The following FAM13A variants were observed in gnomAD, a reference collection of about 807,000 sequenced individuals.
FAM13A encodes the protein protein FAM13A.
FAM13A carries 76 observed loss-of-function variants against 129.6 expected under a neutral mutation model. The ratio of observed to expected loss-of-function variants is 0.59; its 90% CI spans 0.49 to 0.71. The LOEUF (loss-of-function observed/expected upper bound fraction) is 0.71. Among genes scored for constraint, FAM13A ranks in the 30% least tolerant of loss-of-function variants. The pLI is 0.00. For synonymous variants in FAM13A, 443 were observed against 449.9 expected, an observed-to-expected ratio of 0.98 and a Z score of 0.20; for missense variants, 1,108 against 1,249.3, an observed-to-expected ratio of 0.89 and a Z score of 1.70.
rs376511180 is a variant in FAM13A, at chr4:88,731,431, AAGAG to A, written c.2844-7_2844-4del. The A allele has an allele frequency of 4.0e-6, 6 of 1,517,548 alleles. No individual in the cohort carries two copies. Among genetic ancestry groups the A allele is most frequent in the Non-Finnish European group, 5.4e-6 (6 of 1,113,728 alleles). The allele number at this position is 1,517,548 out of a possible 1,614,324, so 94.0% of individuals were successfully genotyped here. A position where few individuals can be genotyped will look rare whatever the true frequency, so the allele number is the denominator to read the frequency against. On this transcript the variant is annotated splice_polypyrimidine_tract_variant and splice_region_variant and intron_variant, in intron 22 of 23. Transcript: ENST00000264344. ...GGAGGTGTTCCAGGAGTTCAGGTCTAAGAGAGAGGAAGCATTGCAAGGAAATTAA... is the reference window on the plus strand; with the variant it reads ...GGAGGTGTTCCAGGAGTTCAGGTCTAAGAGGAAGCATTGCAAGGAAATTAA...
At chr4:88,954,687 C>T (rs1757465521) in intron 4 of FAM13A, among the ~76,000 whole-genome samples, 2 of 152,070 alleles carry the variant, frequency 1.3e-5, no homozygotes, top group Non-Finnish European at 2.9e-5. Context: ...GAGTTCGTCA[C>T]CAGCCTGGGC....
intron 10 of FAM13A, among the ~76,000 whole-genome samples, chr4:88,786,270 A>C (rs764974575): frequency 6.6e-6 from 1 of 152,144 alleles, no homozygotes; most frequent in Admixed American, 6.6e-5. Context: ...TCCACCTGCT[A>C]GCCCTCTGTC....
At chr4:88,790,678 G>A in intron 8 of FAM13A, 51 bp from the exon 9 acceptor site, 1 of 1,524,002 alleles carries the variant, frequency 6.6e-7, no homozygotes, top group Non-Finnish European at 9.0e-7. Context: ...GATCAGAGAT[G>A]ATGAACCAAA....
At chr4:88,851,480 A>T (rs966816478) in intron 6 of FAM13A, among the ~76,000 whole-genome samples, 1 of 152,026 alleles carries the variant, frequency 6.6e-6, no homozygotes, top group Non-Finnish European at 1.5e-5. Context: ...CCTTAGAATA[A>T]TCATTCTATG....
Position 89,020,643 on chromosome 4 carries a change from C to T in FAM13A, c.244G>A (p.Val82Met). ...TCCACCACCTTCACGTTACCATTCA[C>T]CCTAAAAAGACCTTCTTGGGTAAGT... ...HGLTQEGLFR[V>M]NGNVKVVEQL... Residue 82 changes from valine (V) to methionine (M), a missense_variant, in exon 3 of 24, where the codon GTG becomes ATG. Coordinates refer to ENST00000264344, the MANE Select transcript of FAM13A (RefSeq NM_014883.4). 1 of 1,614,002 alleles carries T rather than the reference C, an allele frequency of 6.2e-7. No individual in the cohort carries two copies. The highest frequency in any genetic ancestry group is 1.3e-5 in the African/African-American group (1 of 75,006).
intron 1 of FAM13A, among the ~76,000 whole-genome samples, chr4:89,052,268 T>C (rs1771696808): frequency 3.4e-5 from 1 of 29,794 alleles, no homozygotes; most frequent in Admixed American, 2.5e-4. Context: ...TTTTTTTTTC[T>C]TTTTTCTTTT....
In FAM13A at chr4:88,750,571, G is replaced by A. The variant is rs200132943; in HGVS notation, c.1793C>T (p.Pro598Leu). 7.8e-5 allele frequency: 126 copies of A among 1,614,152 alleles called. No individual in the cohort carries two copies. Among genetic ancestry groups the A allele is most frequent in the Middle Eastern group, 3.3e-4 (2 of 6,062 alleles). ...NSDSDEAHLS[P>L]QAGRLIRQLL... ...CTGACGGATCAGGCGCCCAGCCTGCGGCGAGAGGTGGGCTTCATCAGAGTC... is the reference window on the plus strand; with the variant it reads ...CTGACGGATCAGGCGCCCAGCCTGCAGCGAGAGGTGGGCTTCATCAGAGTC... Residue 598 changes from proline (P) to leucine (L), a missense_variant, in exon 15 of 24, where the codon CCG becomes CTG. Transcript: ENST00000264344.
chr4:88,969,118 C>CA (rs1166074785), intron 4 of FAM13A, among the ~76,000 whole-genome samples: 1 of 151,896 alleles, frequency 6.6e-6, no homozygotes, highest in East Asian at 1.9e-4. Flanking sequence ...AAAAATCTCA[C>CA]AAAAAAACAA....
chr4:88,781,917 C>G (rs973462840), intron 10 of FAM13A, among the ~76,000 whole-genome samples: 15 of 150,586 alleles, frequency 1.0e-4, no homozygotes, highest in Non-Finnish European at 1.9e-4. Context: ...GTGCAGCACA[C>G]CAACATGGCA....
chr4:88,756,465 C>T (rs560896102), intron 14 of FAM13A, among the ~76,000 whole-genome samples: 3 of 152,242 alleles, frequency 2.0e-5, no homozygotes, highest in South Asian at 2.1e-4. Flanking sequence ...TGACATTCTG[C>T]GATTCCACAT....
intron 3 of FAM13A, among the ~76,000 whole-genome samples, chr4:88,998,099 C>T (rs1300686828): frequency 6.6e-6 from 1 of 152,122 alleles, no homozygotes; most frequent in African/African-American, 2.4e-5. Context: ...CCCCCTAGAA[C>T]ACCCAGAACA....
Position 88,923,486 on chromosome 4 carries a change from T to G in FAM13A, c.759+14602A>C, listed in dbSNP as rs555096861. On this transcript the variant is annotated intron_variant, in intron 5 of 23. Coordinates refer to ENST00000264344, the MANE Select transcript of FAM13A (RefSeq NM_014883.4). ...ATCTCGAAAGATGCAGAAAAGGCCT[T>G]TGACAAAATTCAACAACCCTTCATG... is the stretch of plus-strand genomic sequence containing the variant. Among the ~76,000 whole-genome samples the G allele has an allele frequency of 2.0e-3, 308 of 152,312 alleles. 2 individuals carry two copies. Among genetic ancestry groups the G allele is most frequent in the African/African-American group, 6.9e-3 (285 of 41,554 alleles).
chr4:88,877,227 CT>C (rs746770215), intron 6 of FAM13A, among the ~76,000 whole-genome samples: 1 of 152,016 alleles, frequency 6.6e-6, no homozygotes, highest in Non-Finnish European at 1.5e-5. Flanking sequence ...TTTTGTAATT[CT>C]TTAGCAAAAA....
chr4:89,053,950 A>G (rs1771913388), intron 1 of FAM13A, among the ~76,000 whole-genome samples: 2 of 152,286 alleles, frequency 1.3e-5, no homozygotes, highest in African/African-American at 4.8e-5. Flanking sequence ...GAATCATCCA[A>G]AAGTGACATT....
chr4:88,860,572 G>A (rs1188901030), intron 6 of FAM13A, among the ~76,000 whole-genome samples: 3 of 152,158 alleles, frequency 2.0e-5, no homozygotes, highest in Non-Finnish European at 4.4e-5. Context: ...GCATTGAAAG[G>A]TTCTTCTGAA....
chr4:89,048,693 A>C (rs1338608405), intron 1 of FAM13A, among the ~76,000 whole-genome samples: 2 of 152,202 alleles, frequency 1.3e-5, no homozygotes, highest in Non-Finnish European at 2.9e-5. Flanking sequence ...TAATATTAAA[A>C]TTTTTTAAAG....
chr4:88,831,066 C>T (rs1039522144), intron 7 of FAM13A, among the ~76,000 whole-genome samples: 5 of 151,472 alleles, frequency 3.3e-5, no homozygotes, highest in South Asian at 2.1e-4. Context: ...ATAAAATTTT[C>T]GAGACAACTT....
chr4:88,860,126 A>G (rs10022272), intron 6 of FAM13A, among the ~76,000 whole-genome samples: 106,087 of 152,086 alleles, frequency 0.7, 38,335 homozygotes, highest in East Asian at 0.93. Context: ...AAAATAATAC[A>G]TTCAAAAAAT....
Position 88,731,947 on chromosome 4 carries a change from T to A in FAM13A, c.2843+55A>T, listed in dbSNP as rs1578402547. On this transcript the variant is annotated intron_variant, in intron 22 of 23. Transcript: ENST00000264344. ...TTTAGATACAAAGGCTAAGATAATA[T>A]TTAAGTGAGCTATTTTTACCAAAAC... The A allele has an allele frequency of 3.6e-6, 5 of 1,371,118 alleles. No individual in the cohort carries two copies. In the East Asian group the frequency reaches 9.4e-5, roughly 26 times the overall value. 84.9% of individuals were successfully genotyped at this position (1,371,118 alleles called of 1,614,324 possible).
Sources: gnomAD v4.1 joint callset for allele counts (sites outside exome capture counted in the v4.1 genomes callset) on GRCh38, gnomAD v4.1.1 for gene constraint, MANE v1.5 for transcripts, NCBI Gene and HGNC (gene_info 2026-07-23, HGNC 2026-07-21) for gene names.